The following C1orf21 variants were observed in gnomAD, a reference collection of about 807,000 sequenced individuals.
The protein encoded by C1orf21 is chromosome 1 open reading frame 21, also known as uncharacterized protein C1orf21.
C1orf21 carries 3 observed loss-of-function variants against 18.7 expected under a neutral mutation model. The ratio of observed to expected loss-of-function variants is 0.16; its 90% CI spans 0.07 to 0.42. C1orf21 has a LOEUF of 0.42. Ranked by LOEUF, C1orf21 falls within the 10% of genes least tolerant of loss-of-function variation. The pLI is 0.99. For missense variants in C1orf21, 104 were observed against 143.6 expected (o/e 0.72, Z 1.41); for synonymous variants, 41 against 46.4 (o/e 0.88, Z 0.47).
intron 4 of C1orf21, among the ~76,000 whole-genome samples, chr1:184,594,359 C>A (rs543039955): frequency 6.6e-6 from 1 of 152,146 alleles, no homozygotes; most frequent in East Asian, 1.9e-4. Flanking sequence ...CTGGCTGGGC[C>A]TGAGAGTTAA....
intron 3 of C1orf21, among the ~76,000 whole-genome samples, chr1:184,521,904 G>A (rs770871905): frequency 1.3e-5 from 2 of 152,142 alleles, no homozygotes; most frequent in East Asian, 1.9e-4. Flanking sequence ...GGAAATCAAC[G>A]AAGACTGTGA....
chr1:184,567,114 T>G, intron 3 of C1orf21: 1 of 474,500 alleles, frequency 2.1e-6, no homozygotes, highest in Non-Finnish European at 4.2e-6. Context: ...GAAGTATTCC[T>G]TCCACAGTCT....
intron 5 of C1orf21, among the ~76,000 whole-genome samples, chr1:184,617,867 G>T (rs1313459571): frequency 6.6e-6 from 1 of 151,508 alleles, no homozygotes; most frequent in African/African-American, 2.4e-5. Context: ...GCTTCCACAG[G>T]CCTGAAGACT....
intron 1 of C1orf21, among the ~76,000 whole-genome samples, chr1:184,410,663 A>ATATATTTT (rs67546366): frequency 1.0e-3 from 8 of 7,670 alleles, no homozygotes; most frequent in Non-Finnish European, 1.3e-3. Context: ...ATATATATAT[A>ATATATTTT]TTTTTTTTTT....
chr1:184,594,466 C>A lies in C1orf21; in HGVS notation c.266+3651C>A, dbSNP rs559522595. ...AATGAAGACCCAAGAAGTGACAAAA[C>A]CCACATATTTGTATACTAGGTTGAA... On this transcript the variant is annotated intron_variant, in intron 4 of 5. Transcript: ENST00000235307. Among the ~76,000 whole-genome samples, 7 of 152,228 alleles carry A rather than the reference C, an allele frequency of 4.6e-5. No individual in the cohort carries two copies. In the East Asian group the frequency reaches 1.3e-3, roughly 29 times the overall value.
chr1:184,468,240 T>A (rs1276950780), intron 1 of C1orf21, among the ~76,000 whole-genome samples: 1 of 152,224 alleles, frequency 6.6e-6, no homozygotes, highest in Non-Finnish European at 1.5e-5. Context: ...AGCAGCTCTC[T>A]GCCTAGCAGG....
At chr1:184,543,088 C>T (rs564882128) in intron 3 of C1orf21, among the ~76,000 whole-genome samples, 18 of 152,194 alleles carry the variant, frequency 1.2e-4, no homozygotes, top group Non-Finnish European at 2.2e-4. Flanking sequence ...TCTGGCTCAA[C>T]GCCTGTAATC....
At chr1:184,546,342 G>A (rs998220764) in intron 3 of C1orf21, among the ~76,000 whole-genome samples, 10 of 152,158 alleles carry the variant, frequency 6.6e-5, no homozygotes, top group African/African-American at 2.4e-4. Flanking sequence ...GGCTGAGATG[G>A]GAGGATTGCT....
intron 3 of C1orf21, among the ~76,000 whole-genome samples, chr1:184,518,438 G>A (rs768726617): frequency 3.3e-5 from 5 of 152,204 alleles, no homozygotes; most frequent in Non-Finnish European, 7.3e-5. Context: ...CAGCATGCTT[G>A]TGGGTGTAGG....
At chr1:184,441,777 A>C (rs563049236) in intron 1 of C1orf21, among the ~76,000 whole-genome samples, 1 of 152,340 alleles carries the variant, frequency 6.6e-6, no homozygotes, top group East Asian at 1.9e-4. Context: ...TAAACCTAAG[A>C]TAATCTTAAA....
At chr1:184,517,807 T>C (rs1658252149) in intron 3 of C1orf21, among the ~76,000 whole-genome samples, 1 of 152,166 alleles carries the variant, frequency 6.6e-6, no homozygotes, top group African/African-American at 2.4e-5. Context: ...GTTTAATAAA[T>C]ACCATTTTAA....
At chr1:184,536,407 G>A (rs981398187) in intron 3 of C1orf21, among the ~76,000 whole-genome samples, 2 of 152,012 alleles carry the variant, frequency 1.3e-5, no homozygotes, top group African/African-American at 4.8e-5. Flanking sequence ...GTGAGAGAAG[G>A]GAAAGGACCA....
Position 184,390,569 on chromosome 1 carries a change from A to G in C1orf21, c.-125+3201A>G, listed in dbSNP as rs145693447. On this transcript the variant is annotated intron_variant, in intron 1 of 5. Coordinates refer to ENST00000235307, the MANE Select transcript of C1orf21 (RefSeq NM_030806.4). ...ATTGGGTCGATCAGTCTTCATGAAA[A>G]TATACATCTCCTAAAAATACTATTT... Among the ~76,000 whole-genome samples, 294 of 152,330 alleles carry G rather than the reference A, an allele frequency of 1.9e-3. 2 individuals carry two copies. The highest frequency in any genetic ancestry group is 6.8e-3 in the African/African-American group (282 of 41,576).
chr1:184,479,786 T>C (rs1255999328), intron 2 of C1orf21, among the ~76,000 whole-genome samples: 1 of 151,892 alleles, frequency 6.6e-6, no homozygotes, highest in African/African-American at 2.4e-5. Context: ...CACACCTGGC[T>C]AATTTTTTAT....
At chr1:184,451,736 G>A (rs1657126482) in intron 1 of C1orf21, among the ~76,000 whole-genome samples, 1 of 152,030 alleles carries the variant, frequency 6.6e-6, no homozygotes, top group Admixed American at 6.6e-5. Flanking sequence ...AAAAACAAAT[G>A]AGTTAAAAGC....
At chr1:184,421,039 T>C in intron 1 of C1orf21, among the ~76,000 whole-genome samples, 1 of 152,334 alleles carries the variant, frequency 6.6e-6, no homozygotes, top group East Asian at 1.9e-4. Flanking sequence ...TCTATTTTCA[T>C]CTATTAACTT....
In C1orf21 at chr1:184,596,677, C is replaced by T. The variant is rs150056308; in HGVS notation, c.267-1724C>T. Among the ~76,000 whole-genome samples, 835 of 152,160 alleles carry T rather than the reference C, an allele frequency of 5.5e-3. 6 individuals carry two copies. The highest frequency in any genetic ancestry group is 0.01 in the Middle Eastern group (3 of 294). ...CTGAGGTCAGGTGTTCAAGACTAGC[C>T]TGGCCAACATGGTGAAACCTCATCT... On this transcript the variant is annotated intron_variant, in intron 4 of 5. Transcript: ENST00000235307.
chr1:184,501,464 T>G (rs1479060927), intron 2 of C1orf21, among the ~76,000 whole-genome samples: 1 of 152,188 alleles, frequency 6.6e-6, no homozygotes, highest in Non-Finnish European at 1.5e-5. Context: ...TTAACCTTGA[T>G]TAGGGGTCTC....
At chr1:184,495,693 G>A (rs1435889179) in intron 2 of C1orf21, among the ~76,000 whole-genome samples, 1 of 151,976 alleles carries the variant, frequency 6.6e-6, no homozygotes, top group Non-Finnish European at 1.5e-5. Flanking sequence ...AGGCCAAGGC[G>A]GGTGGATCGT....
Sources: allele counts gnomAD v4.1 joint callset (sites outside exome capture counted in the v4.1 genomes callset), GRCh38; gene constraint gnomAD v4.1.1; transcripts MANE v1.5; gene names NCBI Gene and HGNC (gene_info 2026-07-23, HGNC 2026-07-21).